The following TEX14 variants were observed in gnomAD, a reference collection of about 807,000 sequenced individuals.
The protein encoded by TEX14 is inactive serine/threonine-protein kinase TEX14.
Under a neutral mutation model 178.6 loss-of-function variants are expected in TEX14, and 168 were observed. The ratio of observed to expected loss-of-function variants is 0.94; its 90% CI spans 0.83 to 1.07. The LOEUF (loss-of-function observed/expected upper bound fraction) is 1.07. Ranked by LOEUF, TEX14 falls within the 50% of genes least tolerant of loss-of-function variation. The probability of loss-of-function intolerance (pLI) is 0.00; values close to 1 mark genes in which losing one functional copy is unlikely to be tolerated. For synonymous variants in TEX14, 626 were observed against 634.1 expected, an observed-to-expected ratio of 0.99 and a Z score of 0.19; for missense variants, 1,730 against 1,753.6, an observed-to-expected ratio of 0.99 and a Z score of 0.24.
At chr17:58,582,376 C>T (rs2044841894) in intron 19 of TEX14, among the ~76,000 whole-genome samples, 1 of 152,112 alleles carries the variant, frequency 6.6e-6, no homozygotes, top group African/African-American at 2.4e-5. Flanking sequence ...TCTCCTGCCT[C>T]AGCCTCCTGA....
intron 1 of TEX14, among the ~76,000 whole-genome samples, chr17:58,691,421 C>T (rs980297183): frequency 9.2e-5 from 14 of 151,740 alleles, no homozygotes; most frequent in African/African-American, 3.4e-4. Context: ...GTACTCCCAG[C>T]ATTTTGGGAG....
At chr17:58,580,081 T>A (rs2044774684) in intron 19 of TEX14, among the ~76,000 whole-genome samples, 1 of 152,210 alleles carries the variant, frequency 6.6e-6, no homozygotes, top group Non-Finnish European at 1.5e-5. Context: ...TCTGCAAAAC[T>A]ACTCTACGAG....
intron 15 of TEX14, among the ~76,000 whole-genome samples, chr17:58,590,444 A>C (rs1427883658): frequency 6.6e-6 from 1 of 152,150 alleles, no homozygotes; most frequent in African/African-American, 2.4e-5. Flanking sequence ...GCAAAAACAA[A>C]GCATTATTTA....
At chr17:58,681,186 T>C (rs1248801223) in intron 1 of TEX14, among the ~76,000 whole-genome samples, 1 of 152,090 alleles carries the variant, frequency 6.6e-6, no homozygotes, top group Non-Finnish European at 1.5e-5. Context: ...GAGAATCGCC[T>C]GAACCCAGGC....
At chr17:58,621,086 C>T (rs2144546415) in intron 5 of TEX14, among the ~76,000 whole-genome samples, 1 of 152,240 alleles carries the variant, frequency 6.6e-6, no homozygotes, top group South Asian at 2.1e-4. Context: ...CAACCAATCC[C>T]AGAGAAGTTA....
intron 2 of TEX14, among the ~76,000 whole-genome samples, chr17:58,634,551 T>C (rs1367436278): frequency 6.6e-6 from 1 of 152,188 alleles, no homozygotes; most frequent in African/African-American, 2.4e-5. Flanking sequence ...TACCAGACTG[T>C]CTCTCCTACA....
intron 1 of TEX14, among the ~76,000 whole-genome samples, chr17:58,691,394 C>T (rs1264504152): frequency 2.6e-5 from 4 of 151,240 alleles, no homozygotes; most frequent in Non-Finnish European, 5.9e-5. Context: ...CAGGGCCGGG[C>T]GCGGTGGCTC....
chr17:58,595,313 T>C (rs1424825906), intron 14 of TEX14, among the ~76,000 whole-genome samples: 1 of 152,076 alleles, frequency 6.6e-6, no homozygotes, highest in African/African-American at 2.4e-5. Context: ...AAGGAAAAAA[T>C]AAATATGGTA....
chr17:58,621,908 G>A, intron 4 of TEX14, 122 bp from the exon 5 acceptor site: 1 of 1,123,090 alleles, frequency 8.9e-7, no homozygotes, highest in South Asian at 1.9e-5. Context: ...CTCTCAAAAG[G>A]AAAGGGCCCA....
chr17:58,662,844 G>T (rs2143388648), intron 1 of TEX14, among the ~76,000 whole-genome samples: 1 of 152,304 alleles, frequency 6.6e-6, no homozygotes, highest in East Asian at 1.9e-4. Flanking sequence ...ATGTGACCGG[G>T]CGCGGTGGCT....
At chr17:58,655,693 C>T (rs2046942945) in intron 1 of TEX14, among the ~76,000 whole-genome samples, 1 of 152,118 alleles carries the variant, frequency 6.6e-6, no homozygotes, top group Admixed American at 6.6e-5. Context: ...CTCATTCTGT[C>T]CTGGAACAGA....
intron 17 of TEX14, 121 bp from the exon 18 acceptor site, chr17:58,586,203 T>C: frequency 8.9e-7 from 1 of 1,121,822 alleles, no homozygotes; most frequent in Non-Finnish European, 1.2e-6. Context: ...CTTTTTACAG[T>C]TGCATCATCC....
chr17:58,603,076 A>AG lies in TEX14; in HGVS notation c.1337-487_1337-486insC, dbSNP rs1386919285. ...ACAGAAAACAAAAAAACAAAAAAAA[A>AG]CTACCTGGAAGGCCAATTCATAAGT... On this transcript the variant is annotated intron_variant, in intron 11 of 31. Transcript: ENST00000349033. Among the ~76,000 whole-genome samples, 3 of 151,738 alleles carry AG rather than the reference A, an allele frequency of 2.0e-5. No homozygotes were observed. In the East Asian group the frequency reaches 5.8e-4, roughly 30 times the overall value.
intron 28 of TEX14, among the ~76,000 whole-genome samples, chr17:58,563,348 C>T (rs1408159336): frequency 6.6e-6 from 1 of 151,894 alleles, no homozygotes; most frequent in East Asian, 1.9e-4. Flanking sequence ...TGGAAGACTG[C>T]CCCCATTTTC....
At chr17:58,631,914 T>C (rs1461440398) in intron 2 of TEX14, 5 of 152,264 alleles carry the variant, frequency 3.3e-5, no homozygotes, top group Admixed American at 1.3e-4. Flanking sequence ...CGTGAGCACA[T>C]TTTCCTCTCG....
intron 1 of TEX14, among the ~76,000 whole-genome samples, chr17:58,676,535 G>A (rs900732374): frequency 6.6e-6 from 1 of 152,112 alleles, no homozygotes; most frequent in Non-Finnish European, 1.5e-5. Context: ...ACTCCAGACT[G>A]AGCAATAAGA....
intron 22 of TEX14, among the ~76,000 whole-genome samples, chr17:58,573,614 G>C (rs1028050354): frequency 1.3e-5 from 2 of 152,144 alleles, no homozygotes; most frequent in Admixed American, 6.5e-5. Context: ...CGCCTCCCGG[G>C]TTCAAGTGAT....
chr17:58,654,870 C>G (rs1014956886), intron 1 of TEX14, among the ~76,000 whole-genome samples: 3 of 152,034 alleles, frequency 2.0e-5, no homozygotes, highest in African/African-American at 7.2e-5. Context: ...GAAGCTGGAC[C>G]TCATTCTGTC....
chr17:58,661,568 G>A (rs761955741), intron 1 of TEX14: 19 of 739,412 alleles, frequency 2.6e-5, no homozygotes, highest in Middle Eastern at 4.7e-4. Flanking sequence ...GAGCCGCGGC[G>A]GCGGCAGGAA....
Sources: gnomAD v4.1 joint callset for allele counts (sites outside exome capture counted in the v4.1 genomes callset) on GRCh38, gnomAD v4.1.1 for gene constraint, MANE v1.5 for transcripts, NCBI Gene and HGNC (gene_info 2026-07-23, HGNC 2026-07-21) for gene names.